The following ARL15 variants were observed in gnomAD, a reference collection of about 807,000 sequenced individuals.
The protein encoded by ARL15 is ARF like GTPase 15.
ARL15 carries 19 observed loss-of-function variants against 25.2 expected under a neutral mutation model. The ratio of observed to expected loss-of-function variants is 0.75; its 90% CI spans 0.53 to 1.10. The LOEUF (loss-of-function observed/expected upper bound fraction) is 1.10. Ranked by LOEUF, ARL15 falls within the 50% of genes least tolerant of loss-of-function variation. The pLI, the probability that ARL15 is intolerant of heterozygous loss-of-function variation, is 0.00. For missense variants in ARL15, 220 were observed against 246.0 expected (o/e 0.89, Z 0.71); for synonymous variants, 94 against 86.8 (o/e 1.08, Z -0.46).
At chr5:54,073,153 T>C (rs761390432) in intron 4 of ARL15, among the ~76,000 whole-genome samples, 1 of 152,232 alleles carries the variant, frequency 6.6e-6, no homozygotes, top group Non-Finnish European at 1.5e-5. Flanking sequence ...TAGAACGACA[T>C]GTCAGTGCAC....
intron 2 of ARL15, among the ~76,000 whole-genome samples, chr5:54,165,494 G>A (rs1024029718): frequency 6.6e-6 from 1 of 151,574 alleles, no homozygotes; most frequent in Non-Finnish European, 1.5e-5. Flanking sequence ...CTGGATATTA[G>A]TTGACAGTTT....
intron 4 of ARL15, among the ~76,000 whole-genome samples, chr5:54,009,319 C>T (rs1237185827): frequency 6.6e-6 from 1 of 152,182 alleles, no homozygotes; most frequent in Non-Finnish European, 1.5e-5. Context: ...TTCCTCCACC[C>T]AACAACCTAA....
intron 1 of ARL15, among the ~76,000 whole-genome samples, chr5:54,298,617 A>C (rs1758530442): frequency 6.6e-6 from 1 of 151,820 alleles, no homozygotes; most frequent in Admixed American, 6.6e-5. Flanking sequence ...CATTCATTGG[A>C]GCAGCATCAT....
At chr5:54,215,992 T>C (rs537739024) in intron 1 of ARL15, among the ~76,000 whole-genome samples, 5 of 152,168 alleles carry the variant, frequency 3.3e-5, no homozygotes, top group African/African-American at 1.2e-4. Context: ...CCTTTAAATA[T>C]TACAAACATA....
intron 4 of ARL15, among the ~76,000 whole-genome samples, chr5:54,061,274 C>T (rs1036379762): frequency 1.3e-5 from 2 of 152,172 alleles, no homozygotes; most frequent in African/African-American, 4.8e-5. Flanking sequence ...GCCTTCACAG[C>T]TTCCATGTGG....
chr5:54,105,042 T>C (rs1193404609), intron 4 of ARL15, among the ~76,000 whole-genome samples: 1 of 151,078 alleles, frequency 6.6e-6, no homozygotes, highest in Non-Finnish European at 1.5e-5. Context: ...TATGTAATAA[T>C]AATAATGATA....
chr5:54,071,525 C>T (rs202180128), intron 4 of ARL15, among the ~76,000 whole-genome samples: 5 of 39,032 alleles, frequency 1.3e-4, no homozygotes, highest in Middle Eastern at 0.015. Flanking sequence ...CCCCCCCCCC[C>T]GCAAAGCCAG....
chr5:54,127,987 T>TACA (rs372814906), intron 3 of ARL15, among the ~76,000 whole-genome samples: 2,273 of 152,206 alleles, frequency 0.015, 48 homozygotes, highest in African/African-American at 0.051. Flanking sequence ...TGAAACTGGA[T>TACA]CCCTTCCTTA....
chr5:54,023,092 A>G (rs533658685), intron 4 of ARL15, among the ~76,000 whole-genome samples: 316 of 152,306 alleles, frequency 2.1e-3, no homozygotes, highest in African/African-American at 7.2e-3. Context: ...GAATTACCCA[A>G]TCTGAACAAC....
intron 3 of ARL15, among the ~76,000 whole-genome samples, chr5:54,151,432 G>C (rs570066605): frequency 2.2e-4 from 33 of 151,960 alleles, no homozygotes; most frequent in Admixed American, 9.2e-4. Flanking sequence ...TGAATGAGGA[G>C]TTCCCTGAAG....
At position 53,966,510 on chromosome 5, in the gene ARL15, A is replaced by G. The variant is rs570295966; in HGVS notation, c.463-79797T>C. ...ACCCCAACTTGAGCTGGTCATTCAGAAATTCTTGAGACCTGGACTTGCAAC... is the reference window on the plus strand; with the variant it reads ...ACCCCAACTTGAGCTGGTCATTCAGGAATTCTTGAGACCTGGACTTGCAAC... On this transcript the variant is annotated intron_variant, in intron 4 of 4. Transcript: ENST00000504924. 2.6e-5 allele frequency among the ~76,000 whole-genome samples: 4 copies of G among 152,310 alleles called. No homozygotes were observed. In the South Asian group the frequency reaches 8.3e-4, roughly 32 times the overall value.
At chr5:53,935,371 AAAG>A (rs1561156242) in intron 4 of ARL15, among the ~76,000 whole-genome samples, 1 of 152,250 alleles carries the variant, frequency 6.6e-6, no homozygotes, top group Non-Finnish European at 1.5e-5. Flanking sequence ...GAATAACAAA[AAAG>A]AAAATAAACA....
chr5:54,218,926 A>AAT (rs964450659), intron 1 of ARL15, among the ~76,000 whole-genome samples: 1 of 151,950 alleles, frequency 6.6e-6, no homozygotes, highest in African/African-American at 2.4e-5. Context: ...AATAATGTAA[A>AAT]ATATATATAT....
In ARL15 at chr5:54,075,073, G is replaced by GAAAAAAAAAAAAAAAAAAA. The variant is rs3836818; in HGVS notation, c.462+38110_462+38128dup. ...GAATGATTCTTAGTACAGAATACAG[G>GAAAAAAAAAAAAAAAAAAA]AAAAAAAAAAAAAAAAAAAGTCCTG... is the stretch of plus-strand genomic sequence containing the variant. On this transcript the variant is annotated intron_variant, in intron 4 of 4. Transcript: ENST00000504924. Among the ~76,000 whole-genome samples, 16 of 63,886 alleles carry GAAAAAAAAAAAAAAAAAAA rather than the reference G, an allele frequency of 2.5e-4. 2 individuals are homozygous for GAAAAAAAAAAAAAAAAAAA. The highest frequency in any genetic ancestry group is 6.2e-4 in the South Asian group (1 of 1,620). 41.9% of individuals were successfully genotyped at this position (63,886 alleles called of 152,430 possible).
At chr5:54,292,740 A>G (rs566496585) in intron 1 of ARL15, among the ~76,000 whole-genome samples, 36 of 152,298 alleles carry the variant, frequency 2.4e-4, no homozygotes, top group African/African-American at 7.9e-4. Flanking sequence ...TGCGCTAGGT[A>G]TTTTTATACT....
At chr5:54,280,579 A>G (rs1758029015) in intron 1 of ARL15, among the ~76,000 whole-genome samples, 1 of 152,242 alleles carries the variant, frequency 6.6e-6, no homozygotes, top group Non-Finnish European at 1.5e-5. Context: ...GACAAACACA[A>G]GATAGACTCC....
chr5:54,260,135 G>A (rs1024913139), intron 1 of ARL15, among the ~76,000 whole-genome samples: 3 of 152,166 alleles, frequency 2.0e-5, no homozygotes, highest in African/African-American at 2.4e-5. Context: ...CCATCCTAGC[G>A]TGAGGTATAC....
intron 4 of ARL15, among the ~76,000 whole-genome samples, chr5:53,914,563 C>T (rs961760347): frequency 6.6e-6 from 1 of 152,184 alleles, no homozygotes; most frequent in Non-Finnish European, 1.5e-5. Flanking sequence ...CATTTCCCCT[C>T]TCCCCTGCTA....
intron 4 of ARL15, among the ~76,000 whole-genome samples, chr5:54,006,987 A>G (rs553273899): frequency 1.3e-5 from 2 of 152,242 alleles, no homozygotes; most frequent in African/African-American, 4.8e-5. Flanking sequence ...GCTACTCGGG[A>G]GGCTGAGGCA....
Sources: gnomAD v4.1 joint callset for allele counts (sites outside exome capture counted in the v4.1 genomes callset) on GRCh38, gnomAD v4.1.1 for gene constraint, MANE v1.5 for transcripts, NCBI Gene and HGNC (gene_info 2026-07-23, HGNC 2026-07-21) for gene names.